The following PIK3R6 variants were observed in gnomAD, a reference collection of about 807,000 sequenced individuals.
PIK3R6 encodes the protein phosphoinositide 3-kinase regulatory subunit 6.
PIK3R6 carries 91 observed loss-of-function variants against 84.9 expected under a neutral mutation model. The ratio of observed to expected loss-of-function variants is 1.07; its 90% CI spans 0.90 to 1.28. The LOEUF (loss-of-function observed/expected upper bound fraction) is 1.28. PIK3R6 is among the 50% of genes most tolerant of loss of function. PIK3R6 has a pLI of 0.00. For missense variants in PIK3R6, 996 were observed against 985.1 expected (o/e 1.01, Z -0.15); for synonymous variants, 416 against 411.4 (o/e 1.01, Z -0.13).
chr17:8,833,109 C>T, intron 8 of PIK3R6, 64 bp from the exon 9 acceptor site: 5 of 1,479,220 alleles, frequency 3.4e-6, no homozygotes, highest in Admixed American at 2.2e-5. Flanking sequence ...AGCTCCTAAG[C>T]CAAGTCCGCA....
At chr17:8,864,527 CTCTTTTTTT>C (rs1398537729) in intron 1 of PIK3R6, among the ~76,000 whole-genome samples, 5 of 126,878 alleles carry the variant, frequency 3.9e-5, no homozygotes, top group Admixed American at 8.4e-5. Context: ...TCCTTCACAG[CTCTTTTTTT>C]TTTTTTTTTT....
At chr17:8,861,630 C>T (rs1400608141) in intron 1 of PIK3R6, among the ~76,000 whole-genome samples, 1 of 152,226 alleles carries the variant, frequency 6.6e-6, no homozygotes, top group Non-Finnish European at 1.5e-5. Flanking sequence ...CTGTAAGCCA[C>T]TTGCTAGCCA....
chr17:8,803,178 C>A lies in PIK3R6; in HGVS notation c.*95G>T. The A allele has an allele frequency of 6.6e-7, 1 of 1,514,612 alleles. No homozygotes were observed. Among genetic ancestry groups the A allele is most frequent in the Non-Finnish European group, 9.0e-7 (1 of 1,107,852 alleles). 93.8% of individuals were successfully genotyped at this position (1,514,612 alleles called of 1,614,324 possible). On this transcript the variant is annotated 3_prime_UTR_variant, in exon 20 of 20. Transcript: ENST00000619866. This position sits in a 1 kb window ranked among gnomAD's most constrained non-coding sequence, Gnocchi z 5.0. ...GGCTCCTGGTCAAGGCCAAAGCTGCCGTGTGGAGCCGGGCCTTGCTCTGGC... is the reference window on the plus strand; with the variant it reads ...GGCTCCTGGTCAAGGCCAAAGCTGCAGTGTGGAGCCGGGCCTTGCTCTGGC...
intron 8 of PIK3R6, among the ~76,000 whole-genome samples, chr17:8,834,985 C>T (rs769897341): frequency 1.3e-5 from 2 of 152,076 alleles, no homozygotes; most frequent in African/African-American, 2.4e-5. Context: ...TTACAGGTGC[C>T]CGCCACCACG....
Position 8,805,277 on chromosome 17 carries a change from A to G in PIK3R6, c.1996-1124T>C, listed in dbSNP as rs147850143. ...CTTTTAGGATTGTTGTGAAGATTAC[A>G]TGAGATAGTATATATTAAGTGCTTG... On this transcript the variant is annotated intron_variant, in intron 18 of 19. Transcript: ENST00000619866. 1.8e-3 allele frequency among the ~76,000 whole-genome samples: 272 copies of G among 152,310 alleles called. 3 individuals are homozygous for G. The highest frequency in any genetic ancestry group is 5.7e-3 in the African/African-American group (236 of 41,556).
chr17:8,830,341 C>G (rs965285464), intron 9 of PIK3R6, among the ~76,000 whole-genome samples: 1 of 152,254 alleles, frequency 6.6e-6, no homozygotes, highest in Non-Finnish European at 1.5e-5. Flanking sequence ...CTTCTTCCTG[C>G]TTCTCTTTCT....
At chr17:8,835,051 TG>T (rs1277023159) in intron 8 of PIK3R6, among the ~76,000 whole-genome samples, 1 of 152,194 alleles carries the variant, frequency 6.6e-6, no homozygotes, top group Non-Finnish European at 1.5e-5. Flanking sequence ...TTGGCCAGGC[TG>T]GTCTTGAACT....
At chr17:8,829,214 G>GAC (rs3859231) in intron 10 of PIK3R6, among the ~76,000 whole-genome samples, 5 of 150,438 alleles carry the variant, frequency 3.3e-5, no homozygotes, top group Admixed American at 6.6e-5. Context: ...CACACACACA[G>GAC]ACACACACAC....
Position 8,850,073 on chromosome 17 carries a change from G to A in PIK3R6, c.-91-188C>T, listed in dbSNP as rs1224332749. Among the ~76,000 whole-genome samples, 4 of 152,300 alleles carry A rather than the reference G, an allele frequency of 2.6e-5. No homozygotes were observed. In the East Asian group the frequency reaches 7.7e-4, roughly 29 times the overall value. On this transcript the variant is annotated intron_variant, in intron 1 of 19. Coordinates refer to ENST00000619866, the MANE Select transcript of PIK3R6 (RefSeq NM_001010855.4). The stretch of plus-strand genomic sequence containing the variant: ...AATCCCAGCACGTTGGGAGGCCAAG[G>A]CGGGTGGATCACTTGAGGTCAGGAG...
rs754257378 is a variant in PIK3R6 at position 8,837,847 on chromosome 17, C to T, written c.214G>A (p.Val72Ile). ...EKAESQDLRH[V>I]IIPLLHTVMY... The stretch of plus-strand genomic sequence containing the variant: ...ACAGTGTGCAGCAAGGGAATGATGA[C>T]ATGCCGGAGGTCCTGGCTTTCCGCC... Residue 72 changes from valine to isoleucine, a missense_variant, in exon 5 of 20, where the codon GTC becomes ATC. Transcript: ENST00000619866. 5.6e-6 allele frequency: 9 copies of T among 1,613,876 alleles called. No individual in the cohort carries two copies. Among genetic ancestry groups the T allele is most frequent in the Non-Finnish European group, 7.6e-6 (9 of 1,179,870 alleles).
intron 14 of PIK3R6, 85 bp downstream of exon 14, chr17:8,823,302 G>T: frequency 9.7e-7 from 1 of 1,035,888 alleles, no homozygotes; most frequent in Non-Finnish European, 1.5e-6. Flanking sequence ...ATGATTGGTG[G>T]CCTGGTGACC....
At position 8,803,052 on chromosome 17, in the gene PIK3R6, C is replaced by T. The variant is rs1597368515; in HGVS notation, c.*221G>A. 5 of 565,128 alleles carry T rather than the reference C, an allele frequency of 8.8e-6. No homozygotes were observed. The East Asian group carries it at 1.6e-4, about 18-fold the overall frequency. The allele number at this position is 565,128 out of a possible 1,614,324, so 35.0% of individuals were successfully genotyped here. A position where few individuals can be genotyped will look rare whatever the true frequency, so the allele number is the denominator to read the frequency against. ...AAGCTGGGCTTGGTGTGTATGTTCT[C>T]AAGCAGCGACAGCATTGCCTGGGCC... is the stretch of plus-strand genomic sequence containing the variant. On this transcript the variant is annotated 3_prime_UTR_variant, in exon 20 of 20. Coordinates refer to ENST00000619866, the MANE Select transcript of PIK3R6 (RefSeq NM_001010855.4). The surrounding 1 kb of genome is among the most constrained non-coding windows in gnomAD (Gnocchi z 5.0).
In PIK3R6 at chr17:8,803,719, C is replaced by T; in HGVS notation, c.2109-290G>A. 1.8e-6 allele frequency: 1 copy of T among 544,952 alleles called. No individual in the cohort carries two copies. Among genetic ancestry groups the T allele is most frequent in the Non-Finnish European group, 3.3e-6 (1 of 306,654 alleles). 33.8% of individuals were successfully genotyped at this position (544,952 alleles called of 1,614,324 possible). A position where few individuals can be genotyped will look rare whatever the true frequency, so the allele number is the denominator to read the frequency against. On this transcript the variant is annotated intron_variant, in intron 19 of 19. Coordinates refer to ENST00000619866, the MANE Select transcript of PIK3R6 (RefSeq NM_001010855.4). This position sits in a 1 kb window ranked among gnomAD's most constrained non-coding sequence, Gnocchi z 5.0. Reference sequence around the variant, plus strand: ...GGTCAGCTAACTGGAACACAGATGCCACAGGTCAGCCTGTGTGGGAGGGGC... The same window carrying T: ...GGTCAGCTAACTGGAACACAGATGCTACAGGTCAGCCTGTGTGGGAGGGGC...
intron 1 of PIK3R6, among the ~76,000 whole-genome samples, chr17:8,855,332 C>G (rs1210333112): frequency 6.8e-6 from 1 of 147,964 alleles, no homozygotes; most frequent in Non-Finnish European, 1.5e-5. Context: ...AAAAAGAAAA[C>G]TAGGATAAAT....
At chr17:8,832,375 C>CTTTTTTTTTTTTTTTTTTTTT (rs759188865) in intron 9 of PIK3R6, among the ~76,000 whole-genome samples, 1 of 77,796 alleles carries the variant, frequency 1.3e-5, no homozygotes, top group Non-Finnish European at 2.3e-5. Flanking sequence ...TACCCACCTT[C>CTTTTTTTTTTTTTTTTTTTTT]TTTTTTTTTT....
Position 8,842,566 on chromosome 17 carries a change from C to T in PIK3R6, c.14-2869G>A, listed in dbSNP as rs920302878. On this transcript the variant is annotated intron_variant, in intron 2 of 19. Coordinates refer to ENST00000619866, the MANE Select transcript of PIK3R6 (RefSeq NM_001010855.4). The surrounding 1 kb of genome is among the most constrained non-coding windows in gnomAD (Gnocchi z 4.5). ...GTCTGCTTCTTGGCAGATCCAGACTCAGACAAGAAGTACGGGAAACACTCC... is the reference window on the plus strand; with the variant it reads ...GTCTGCTTCTTGGCAGATCCAGACTTAGACAAGAAGTACGGGAAACACTCC... 5.9e-5 allele frequency among the ~76,000 whole-genome samples: 9 copies of T among 152,190 alleles called. No homozygotes were observed. The highest frequency in any genetic ancestry group is 7.3e-5 in the Non-Finnish European group (5 of 68,048).
intron 7 of PIK3R6, among the ~76,000 whole-genome samples, chr17:8,835,832 G>A (rs1470390374): frequency 1.3e-5 from 2 of 152,120 alleles, no homozygotes; most frequent in African/African-American, 2.4e-5. Flanking sequence ...TCTGAACTCT[G>A]AGTGAATCTC....
intron 1 of PIK3R6, among the ~76,000 whole-genome samples, chr17:8,864,529 C>T (rs181869264): frequency 0.011 from 723 of 65,472 alleles, 29 homozygotes; most frequent in African/African-American, 0.042. Context: ...CTTCACAGCT[C>T]TTTTTTTTTT....
chr17:8,828,094 T>C lies in PIK3R6; in HGVS notation c.1392+18A>G, dbSNP rs199556046. ...GCCCTGTCTCTGCCCCGCCACCGCC[T>C]CCCCGCGGTCCAGTCACCTCAGGCG... On this transcript the variant is annotated intron_variant, in intron 12 of 19. Coordinates refer to ENST00000619866, the MANE Select transcript of PIK3R6 (RefSeq NM_001010855.4). 3.2e-3 allele frequency: 5,133 copies of C among 1,612,678 alleles called. 10 individuals are homozygous for C. Among genetic ancestry groups the C allele is most frequent in the Non-Finnish European group, 4.0e-3 (4,686 of 1,178,984 alleles).
Sources: gnomAD v4.1 joint callset for allele counts (sites outside exome capture counted in the v4.1 genomes callset) on GRCh38, gnomAD v4.1.1 for gene constraint, Gnocchi (gnomAD v3.1) non-coding constraint, MANE v1.5 for transcripts, NCBI Gene and HGNC (gene_info 2026-07-23, HGNC 2026-07-21) for gene names.